The following RYR3 variants were observed in gnomAD, a reference collection of about 807,000 sequenced individuals.
RYR3 encodes the protein ryanodine receptor 3.
RYR3 carries 207 observed loss-of-function variants against 584.3 expected under a neutral mutation model. The observed-to-expected ratio is 0.35, with a 90% CI of 0.32 to 0.40. The LOEUF (loss-of-function observed/expected upper bound fraction) is 0.40, where lower values mean the gene tolerates loss of function less well. Among genes scored for constraint, RYR3 ranks in the 10% least tolerant of loss-of-function variants. The pLI is 1.00. For synonymous variants in RYR3, 2,416 were observed against 2,248.5 expected (o/e 1.07, Z -2.11); for missense variants, 5,616 against 6,089.2 (o/e 0.92, Z 2.59).
chr15:33,547,199 C>T (rs910026707), intron 8 of RYR3, among the ~76,000 whole-genome samples: 36 of 152,136 alleles, frequency 2.4e-4, no homozygotes, highest in African/African-American at 7.2e-4. Flanking sequence ...CAAGTTGAGA[C>T]ACATTTCACA....
chr15:33,665,900 T>C (rs1425050296), intron 36 of RYR3, among the ~76,000 whole-genome samples: 1 of 152,244 alleles, frequency 6.6e-6, no homozygotes, highest in East Asian at 1.9e-4. Context: ...ATTTCAGAAG[T>C]CAGTAACTCA....
Position 33,854,918 on chromosome 15 carries a change from G to T in RYR3, c.14007+6G>T, listed in dbSNP as rs2079482943. 2.5e-6 allele frequency: 4 copies of T among 1,607,448 alleles called. No homozygotes were observed. The highest frequency in any genetic ancestry group is 3.4e-6 in the Non-Finnish European group (4 of 1,177,290). On this transcript the variant is annotated splice_donor_region_variant and intron_variant, in intron 98 of 103. Coordinates refer to ENST00000634891, the MANE Select transcript of RYR3 (RefSeq NM_001036.6). ...TAACTCACAATGGCAAACAGGTATG[G>T]TTTCTACTGATGCAGAACAGAATGG... is the stretch of plus-strand genomic sequence containing the variant.
chr15:33,742,298 T>G, intron 51 of RYR3, 68 bp from the exon 52 acceptor site: 1 of 992,156 alleles, frequency 1.0e-6, no homozygotes. Flanking sequence ...TTGGTAGTTC[T>G]GACTATCTTC....
intron 1 of RYR3, among the ~76,000 whole-genome samples, chr15:33,372,302 C>T (rs2040390394): frequency 6.6e-6 from 1 of 151,912 alleles, no homozygotes; most frequent in Non-Finnish European, 1.5e-5. Context: ...AGCAATTCTC[C>T]TGCCTCAGCC....
intron 73 of RYR3, 141 bp downstream of exon 73, chr15:33,813,135 C>A: frequency 1.9e-6 from 2 of 1,058,300 alleles, no homozygotes; most frequent in Non-Finnish European, 2.7e-6. Context: ...AGATCACCCC[C>A]ACGTGCCATC....
chr15:33,566,902 A>G, intron 12 of RYR3, 103 bp downstream of exon 12: 2 of 1,277,014 alleles, frequency 1.6e-6, no homozygotes, highest in Non-Finnish European at 2.2e-6. Context: ...TCAGGAAATA[A>G]TGATACACCA....
chr15:33,844,214 C>T (rs546812109), intron 92 of RYR3, among the ~76,000 whole-genome samples: 3 of 152,270 alleles, frequency 2.0e-5, no homozygotes, highest in Non-Finnish European at 2.9e-5. Flanking sequence ...ACTTTCCACT[C>T]GACAAACTAA....
chr15:33,659,890 A>G (rs1001955265), intron 33 of RYR3, 84 bp downstream of exon 33: 11 of 947,384 alleles, frequency 1.2e-5, no homozygotes, highest in East Asian at 2.5e-5. Context: ...GCCTCAGAAG[A>G]TGGGAGAAGC....
intron 2 of RYR3, among the ~76,000 whole-genome samples, chr15:33,491,381 C>G (rs1169045030): frequency 6.6e-6 from 1 of 152,196 alleles, no homozygotes; most frequent in African/African-American, 2.4e-5. Context: ...GTCTAGTTCA[C>G]TAAGAACATA....
intron 43 of RYR3, among the ~76,000 whole-genome samples, chr15:33,711,597 C>CGTAT (rs1245609063): frequency 6.6e-6 from 1 of 152,172 alleles, no homozygotes; most frequent in African/African-American, 2.4e-5. Context: ...ACCAGGATAC[C>CGTAT]CTAGGTCATC....
intron 18 of RYR3, among the ~76,000 whole-genome samples, chr15:33,612,629 G>T (rs2060252154): frequency 1.3e-5 from 2 of 152,306 alleles, no homozygotes; most frequent in African/African-American, 4.8e-5. Context: ...GGAAGTGCTG[G>T]GATTACAGGC....
At chr15:33,431,829 G>A (rs1364447744) in intron 1 of RYR3, among the ~76,000 whole-genome samples, 1 of 152,142 alleles carries the variant, frequency 6.6e-6, no homozygotes, top group Non-Finnish European at 1.5e-5. Context: ...AAAAGTATGT[G>A]TTGATGTATT....
At chr15:33,632,797 A>T (rs745576685) in intron 23 of RYR3, among the ~76,000 whole-genome samples, 152 bp from the exon 24 acceptor site, 2 of 152,236 alleles carry the variant, frequency 1.3e-5, no homozygotes, top group Non-Finnish European at 2.9e-5. Flanking sequence ...TAGACTTGAA[A>T]CAGAGCTGAG....
At chr15:33,429,395 A>G (rs2141705699) in intron 1 of RYR3, among the ~76,000 whole-genome samples, 1 of 152,342 alleles carries the variant, frequency 6.6e-6, no homozygotes, top group South Asian at 2.1e-4. Context: ...CTTCCTTGTA[A>G]AAGTCAGCCT....
At chr15:33,579,885 T>TG (rs1491248369) in intron 12 of RYR3, 91 bp from the exon 13 acceptor site, 1 of 956,904 alleles carries the variant, frequency 1.0e-6, no homozygotes, top group Non-Finnish European at 1.5e-6. Context: ...TGGTGCACCG[T>TG]GGGGGGCTGT....
rs895550727 is a variant in RYR3 at position 33,864,085 on chromosome 15, A to G, written c.14466-53A>G. On this transcript the variant is annotated intron_variant, in intron 102 of 103. Coordinates refer to ENST00000634891, the MANE Select transcript of RYR3 (RefSeq NM_001036.6). The stretch of plus-strand genomic sequence containing the variant: ...GCCCTGATCACAGTTAATCCATGCG[A>G]ATGAACTTGGGTCTTGACCAGAGTA... 1.5e-5 allele frequency: 20 copies of G among 1,368,040 alleles called. No homozygotes were observed. In the East Asian group the frequency reaches 2.3e-4, roughly 16 times the overall value. 84.7% of individuals were successfully genotyped at this position (1,368,040 alleles called of 1,614,324 possible).
At chr15:33,727,447 T>A (rs1386542986) in intron 46 of RYR3, among the ~76,000 whole-genome samples, 1 of 152,232 alleles carries the variant, frequency 6.6e-6, no homozygotes, top group African/African-American at 2.4e-5. Flanking sequence ...TAGGAAATGC[T>A]GTGGAATACA....
At position 33,859,670 on chromosome 15, in the gene RYR3, C is replaced by T; in HGVS notation, c.14238C>T (p.Arg4746=). ...CTGGTGATCCTTATGAAATGTATCG[C>T]ATTGTCTTTGACATTACCTTTTTCT... ...DPAGDPYEMY[R]IVFDITFFFF... is the part of the protein sequence containing the mutation. Residue 4746 remains arginine, a synonymous_variant, in exon 100 of 104, where the codon CGC becomes CGT. Transcript: ENST00000634891. The T allele has an allele frequency of 1.2e-6, 2 of 1,613,900 alleles. No individual in the cohort carries two copies. The highest frequency in any genetic ancestry group is 1.7e-6 in the Non-Finnish European group (2 of 1,179,832).
At chr15:33,810,796 C>G (rs1013230637) in intron 71 of RYR3, 147 bp downstream of exon 71, 48 of 1,119,506 alleles carry the variant, frequency 4.3e-5, no homozygotes, top group African/African-American at 1.1e-4. Context: ...ACGCCCTCAT[C>G]TTTAAAACTG....
Sources: gnomAD v4.1 joint callset for allele counts (sites outside exome capture counted in the v4.1 genomes callset) on GRCh38, gnomAD v4.1.1 for gene constraint, MANE v1.5 for transcripts, NCBI Gene and HGNC (gene_info 2026-07-23, HGNC 2026-07-21) for gene names.